Variants in NFU1 observed in about 807,000 individuals in gnomAD.
NFU1 encodes NFU1 iron-sulfur cluster scaffold.
Under a neutral mutation model 32.2 loss-of-function variants are expected in NFU1, and 30 were observed. The ratio of observed to expected loss-of-function variants is 0.93; its 90% CI spans 0.70 to 1.26. NFU1 has a LOEUF of 1.26. Among genes scored for constraint, NFU1 ranks in the 50% most tolerant of loss-of-function variants. The pLI, the probability that NFU1 is intolerant of heterozygous loss-of-function variation, is 0.00. For synonymous variants in NFU1, 112 were observed against 104.6 expected, an observed-to-expected ratio of 1.07 and a Z score of -0.43; for missense variants, 306 against 306.6, an observed-to-expected ratio of 1.00 and a Z score of 0.02.
intron 5 of NFU1, among the ~76,000 whole-genome samples, chr2:69,406,414 A>G (rs1672696378): frequency 8.6e-6 from 1 of 116,256 alleles, no homozygotes; most frequent in African/African-American, 4.1e-5. Context: ...GATTGAAAGT[A>G]TCAGAGAAAA....
intron 4 of NFU1, among the ~76,000 whole-genome samples, chr2:69,417,434 G>A (rs565729793): frequency 1.3e-5 from 2 of 151,096 alleles, no homozygotes; most frequent in East Asian, 3.9e-4. Flanking sequence ...CATGAGCCCA[G>A]GAGTTTGAGA....
intron 2 of NFU1, among the ~76,000 whole-genome samples, chr2:69,424,198 A>AAAAAAAATATATATATAT (rs1558840147): frequency 1.3e-5 from 1 of 74,540 alleles, no homozygotes; most frequent in African/African-American, 5.3e-5. Flanking sequence ...AAAAAAAAAA[A>AAAAAAAATATATATATAT]ATATATATAT....
intron 2 of NFU1, chr2:69,430,083 C>G (rs543538452): frequency 1.5e-4 from 33 of 224,842 alleles, no homozygotes; most frequent in South Asian, 1.4e-3. Flanking sequence ...AAAATCATTA[C>G]AATTATAATC....
chr2:69,419,812 G>A (rs921845858), intron 3 of NFU1, among the ~76,000 whole-genome samples: 6 of 152,006 alleles, frequency 3.9e-5, no homozygotes, highest in Admixed American at 6.6e-5. Context: ...ATAAAAACTC[G>A]TGCTCCACAA....
chr2:69,430,558 T>C (rs1673606317), intron 2 of NFU1, among the ~76,000 whole-genome samples: 2 of 151,966 alleles, frequency 1.3e-5, no homozygotes, highest in South Asian at 4.1e-4. Flanking sequence ...CCTAAGGAGG[T>C]AGATGTAAAC....
intron 6 of NFU1, among the ~76,000 whole-genome samples, chr2:69,403,239 C>T (rs958622245): frequency 2.0e-5 from 3 of 152,128 alleles, no homozygotes; most frequent in Non-Finnish European, 2.9e-5. Flanking sequence ...TTTTCACATC[C>T]AATTTGACAA....
downstream of NFU1, chr2:69,396,093 C>T (rs185051173): frequency 1.6e-6 from 1 of 636,668 alleles, no homozygotes; most frequent in African/African-American, 1.8e-5. Context: ...ATAAATAACT[C>T]ATATGAGGTA....
intron 1 of NFU1, among the ~76,000 whole-genome samples, chr2:69,436,128 C>G (rs1030873671): frequency 6.6e-6 from 1 of 152,180 alleles, no homozygotes; most frequent in African/African-American, 2.4e-5. Flanking sequence ...ACTGCATACT[C>G]ATTAAGGGGA....
At chr2:69,432,076 A>C in intron 1 of NFU1, 71 bp from the exon 2 acceptor site, 2 of 1,001,326 alleles carry the variant, frequency 2.0e-6, no homozygotes, top group Non-Finnish European at 3.1e-6. Context: ...TCTACTTCTC[A>C]TGTATAAAAA....
chr2:69,436,260 T>C (rs796415222), intron 1 of NFU1, among the ~76,000 whole-genome samples: 1 of 152,324 alleles, frequency 6.6e-6, no homozygotes, highest in East Asian at 1.9e-4. Context: ...CTTAAACCAG[T>C]GCCAGGCCAT....
intron 1 of NFU1, among the ~76,000 whole-genome samples, chr2:69,435,477 T>TG (rs952660033): frequency 4.0e-4 from 61 of 152,202 alleles, no homozygotes; most frequent in Middle Eastern, 3.4e-3. Context: ...AAAGAAAGAG[T>TG]GGGCACCAAT....
chr2:69,423,422 AT>A (rs141049329), intron 3 of NFU1, among the ~76,000 whole-genome samples, 159 bp downstream of exon 3: 16 of 148,600 alleles, frequency 1.1e-4, no homozygotes, highest in African/African-American at 2.0e-4. Context: ...AACAGGCCTT[AT>A]TTTTTTTTTA....
intron 5 of NFU1, among the ~76,000 whole-genome samples, chr2:69,414,374 T>C (rs1397101828): frequency 6.6e-6 from 1 of 152,014 alleles, no homozygotes; most frequent in Non-Finnish European, 1.5e-5. Context: ...TCCCAGCATT[T>C]TGAGAGGTTG....
At chr2:69,425,213 A>G (rs2104797955) in intron 2 of NFU1, among the ~76,000 whole-genome samples, 1 of 151,948 alleles carries the variant, frequency 6.6e-6, no homozygotes, top group East Asian at 1.9e-4. Flanking sequence ...TGGAGGTGGA[A>G]TCTCCCAATG....
chr2:69,400,916 C>T (rs1672502994), intron 6 of NFU1, among the ~76,000 whole-genome samples: 1 of 152,166 alleles, frequency 6.6e-6, no homozygotes, highest in South Asian at 2.1e-4. Context: ...CACCAGTGCA[C>T]TCCAGCTTGG....
chr2:69,434,134 TTCAC>T (rs1673747894), intron 1 of NFU1, among the ~76,000 whole-genome samples: 1 of 151,174 alleles, frequency 6.6e-6, no homozygotes, highest in Non-Finnish European at 1.5e-5. Context: ...GTAACTTCAC[TTCAC>T]TTTTTTTTTT....
upstream of NFU1, among the ~76,000 whole-genome samples, chr2:69,437,880 C>G (rs6731035): frequency 0.037 from 5,702 of 152,230 alleles, 306 homozygotes; most frequent in East Asian, 0.18. Context: ...TGCCCTTTTC[C>G]CATGGGTCTG....
chr2:69,417,865 A>G (rs1429169008), intron 4 of NFU1, among the ~76,000 whole-genome samples: 1 of 152,076 alleles, frequency 6.6e-6, no homozygotes, highest in Non-Finnish European at 1.5e-5. Context: ...GGAAAAAAAA[A>G]AAAACCAAAA....
intron 5 of NFU1, among the ~76,000 whole-genome samples, chr2:69,409,645 GGAA>G (rs1672812946): frequency 2.0e-5 from 3 of 152,194 alleles, no homozygotes; most frequent in South Asian, 4.1e-4. Flanking sequence ...TTACCCCCAT[GGAA>G]GAAGAAGGGG....
Sources: allele counts gnomAD v4.1 joint callset (sites outside exome capture counted in the v4.1 genomes callset), GRCh38; gene constraint gnomAD v4.1.1; transcripts MANE v1.5; gene names NCBI Gene and HGNC (gene_info 2026-07-23, HGNC 2026-07-21).